NIBAN2: variants seen among roughly 807,000 people sequenced by gnomAD.
The protein encoded by NIBAN2 is niban apoptosis regulator 2, also known as protein Niban 2.
In NIBAN2, 36 loss-of-function variants were observed where a neutral mutation model predicts 81.8. The ratio of observed to expected loss-of-function variants is 0.44; its 90% CI spans 0.34 to 0.58. NIBAN2 has a LOEUF of 0.58. NIBAN2 is among the 20% of genes least tolerant of loss of function. The pLI, the probability that NIBAN2 is intolerant of heterozygous loss-of-function variation, is 0.02. For synonymous variants in NIBAN2, 445 were observed against 441.6 expected, an observed-to-expected ratio of 1.01 and a Z score of -0.10; for missense variants, 897 against 1,014.1, an observed-to-expected ratio of 0.88 and a Z score of 1.57.
At chr9:127,542,837 C>T (rs562230693) in intron 1 of NIBAN2, among the ~76,000 whole-genome samples, 1 of 152,376 alleles carries the variant, frequency 6.6e-6, no homozygotes, top group South Asian at 2.1e-4. Flanking sequence ...ATTCTTCTGC[C>T]TCAGCCTCCC....
rs777606573 is a variant in NIBAN2, at chr9:127,578,076, A to G, written c.16+846T>C. 5.9e-5 allele frequency among the ~76,000 whole-genome samples: 9 copies of G among 151,754 alleles called. No individual in the cohort carries two copies. In the South Asian group the frequency reaches 1.9e-3, roughly 32 times the overall value. Reference sequence around the variant, plus strand: ...TGTGGTGGTGGGTGCCTGAAATCCCATCTACTTGGGAGGCTGAAGCAGGAG... The same window carrying G: ...TGTGGTGGTGGGTGCCTGAAATCCCGTCTACTTGGGAGGCTGAAGCAGGAG... On this transcript the variant is annotated intron_variant, in intron 1 of 13. Transcript: ENST00000373314.
intron 5 of NIBAN2, among the ~76,000 whole-genome samples, chr9:127,519,052 G>A (rs940829333): frequency 1.3e-5 from 2 of 151,826 alleles, no homozygotes; most frequent in Admixed American, 1.3e-4. Context: ...GCAGGCACCT[G>A]TAATCCCAGC....
intron 2 of NIBAN2, among the ~76,000 whole-genome samples, chr9:127,530,366 C>T (rs951944980): frequency 3.3e-5 from 5 of 152,214 alleles, no homozygotes; most frequent in Non-Finnish European, 4.4e-5. Flanking sequence ...GTCCAGCCTC[C>T]GCCATCCTGA....
In NIBAN2 at chr9:127,514,787, G is replaced by A. The variant is rs538393054; in HGVS notation, c.973+2070C>T. Among the ~76,000 whole-genome samples, 30 of 152,240 alleles carry A rather than the reference G, an allele frequency of 2.0e-4. No individual in the cohort carries two copies. The East Asian group carries it at 2.1e-3, about 11-fold the overall frequency. On this transcript the variant is annotated intron_variant, in intron 8 of 13. Coordinates refer to ENST00000373312, the MANE Select transcript of NIBAN2 (RefSeq NM_022833.4). ...CCACCCCCATCCCAGCCCAGCTAAC[G>A]TTCTTTGTTCCACACAAGAAATGTC... is the stretch of plus-strand genomic sequence containing the variant.
In NIBAN2 at chr9:127,508,903, G is replaced by C; in HGVS notation, c.1317+73C>G. 3 of 1,550,946 alleles carry C rather than the reference G, an allele frequency of 1.9e-6. No homozygotes were observed. Among genetic ancestry groups the C allele is most frequent in the Non-Finnish European group, 1.8e-6 (2 of 1,126,550 alleles). On this transcript the variant is annotated intron_variant, in intron 10 of 13. Coordinates refer to ENST00000373312, the MANE Select transcript of NIBAN2 (RefSeq NM_022833.4). The surrounding 1 kb of genome is among the most constrained non-coding windows in gnomAD (Gnocchi z 6.4). Reference sequence around the variant, plus strand: ...TGGCATGACGGGACGGAGCAGAAGGGACCCCCTGGGCGAGGGGGCCTGTGG... The same window carrying C: ...TGGCATGACGGGACGGAGCAGAAGGCACCCCCTGGGCGAGGGGGCCTGTGG...
At position 127,523,829 on chromosome 9, in the gene NIBAN2, C is replaced by T. The variant is rs766071759; in HGVS notation, c.439G>A (p.Gly147Ser). The T allele has an allele frequency of 4.3e-6, 7 of 1,611,638 alleles. No individual in the cohort carries two copies. The African/African-American group carries it at 6.7e-5, about 15-fold the overall frequency. The change falls in exon 5 of 14, where the codon GGC becomes AGC. Residue 147 changes from glycine to serine, a missense_variant. By Grantham distance (56) the Gly-to-Ser change is moderately conservative (BLOSUM62 0). Around this residue, in one of 3 missense-constraint regions of NIBAN2, gnomAD observed 209 missense variants for 208.4 expected, o/e 1.00. Transcript: ENST00000373312. ...GGGCACTTGAGGATGGGGGCACTGC[C>T]CGACTTTGCCGTGGTCCCTGTGGAG... is the stretch of plus-strand genomic sequence containing the variant. ...NSLPGTTAKS[G>S]SAPILKCPTQ...
intron 1 of NIBAN2, among the ~76,000 whole-genome samples, chr9:127,574,922 T>C (rs915718886): frequency 7.2e-5 from 11 of 152,204 alleles, no homozygotes; most frequent in Non-Finnish European, 1.6e-4. Context: ...GTGGCCAAGC[T>C]GTCACCTCTC....
At chr9:127,510,498 G>A (rs1380903231) in intron 8 of NIBAN2, among the ~76,000 whole-genome samples, 165 bp from the exon 9 acceptor site, 3 of 151,794 alleles carry the variant, frequency 2.0e-5, no homozygotes, top group East Asian at 2.0e-4. Flanking sequence ...GTGCAGTGGC[G>A]CGATCTCAGC....
intron 1 of NIBAN2, among the ~76,000 whole-genome samples, chr9:127,575,107 G>A (rs1201752277): frequency 6.6e-6 from 1 of 152,166 alleles, no homozygotes; most frequent in Non-Finnish European, 1.5e-5. Flanking sequence ...TCCAGACATG[G>A]CACTGGGGGC....
intron 1 of NIBAN2, among the ~76,000 whole-genome samples, chr9:127,533,199 G>A (rs1458684463): frequency 1.3e-5 from 2 of 151,794 alleles, no homozygotes; most frequent in East Asian, 3.9e-4. Context: ...GCTTAGGCCT[G>A]TAATCCCAGC....
chr9:127,524,888 A>G, intron 4 of NIBAN2, 170 bp downstream of exon 4: 1 of 591,492 alleles, frequency 1.7e-6, no homozygotes, highest in South Asian at 2.0e-5. Context: ...GCTCTCAAGG[A>G]CTTAGGGAGA....
intron 1 of NIBAN2, among the ~76,000 whole-genome samples, chr9:127,551,107 G>A (rs761276412): frequency 7.2e-5 from 11 of 152,168 alleles, no homozygotes; most frequent in East Asian, 1.9e-4. Flanking sequence ...AAAAACTACC[G>A]GCTAGGTGCG....
At chr9:127,553,671 G>C (rs1378583540) in intron 1 of NIBAN2, among the ~76,000 whole-genome samples, 2 of 152,230 alleles carry the variant, frequency 1.3e-5, no homozygotes, top group Non-Finnish European at 2.9e-5. Flanking sequence ...GGCCACCCAA[G>C]TTCTATGCCA....
In NIBAN2 at chr9:127,536,955, C is replaced by T. The variant is rs1283090354; in HGVS notation, c.56-5177G>A. On this transcript the variant is annotated intron_variant, in intron 1 of 13. Coordinates refer to ENST00000373312, the MANE Select transcript of NIBAN2 (RefSeq NM_022833.4). This position sits in a 1 kb window ranked among gnomAD's most constrained non-coding sequence, Gnocchi z 4.0. ...GCTCCAGCTGGTGGTAGAAATCACT[C>T]GCTTCTGTGAGCTACAGAGAGGCTG... 6.6e-6 allele frequency among the ~76,000 whole-genome samples: 1 copy of T among 152,210 alleles called. No individual in the cohort carries two copies. The highest frequency in any genetic ancestry group is 2.4e-5 in the African/African-American group (1 of 41,462).
At chr9:127,533,632 T>G (rs1837224684) in intron 1 of NIBAN2, among the ~76,000 whole-genome samples, 1 of 152,128 alleles carries the variant, frequency 6.6e-6, no homozygotes, top group African/African-American at 2.4e-5. Context: ...AGACCCTGTC[T>G]CAACACACAC....
chr9:127,551,973 C>A (rs1452258231), intron 1 of NIBAN2, among the ~76,000 whole-genome samples: 1 of 152,212 alleles, frequency 6.6e-6, no homozygotes, highest in African/African-American at 2.4e-5. Context: ...GCTTGCCCCA[C>A]CCTCAGGTCA....
intron 8 of NIBAN2, among the ~76,000 whole-genome samples, chr9:127,511,660 A>C (rs1836738375): frequency 6.6e-6 from 1 of 152,312 alleles, no homozygotes; most frequent in African/African-American, 2.4e-5. Flanking sequence ...AACTAAGAAA[A>C]CTGCCATCTG....
At chr9:127,524,994 C>G in intron 4 of NIBAN2, 64 bp downstream of exon 4, 1 of 1,305,334 alleles carries the variant, frequency 7.7e-7, no homozygotes, top group South Asian at 1.2e-5. Context: ...CAGGGCCACC[C>G]CTCCCCTGGC....
upstream of NIBAN2, among the ~76,000 whole-genome samples, chr9:127,572,893 A>T (rs563707080): frequency 1.7e-3 from 264 of 152,064 alleles, 1 homozygote; most frequent in African/African-American, 5.9e-3. Context: ...TAATTTTTTA[A>T]AAAAATTAGC....
Sources: allele counts gnomAD v4.1 joint callset (sites outside exome capture counted in the v4.1 genomes callset), GRCh38; gene constraint gnomAD v4.1.1; regional missense constraint gnomAD v4.1.1; non-coding constraint Gnocchi (gnomAD v3.1); transcripts MANE v1.5; gene names NCBI Gene and HGNC (gene_info 2026-07-23, HGNC 2026-07-21).